CXXC5: variants seen among roughly 807,000 people sequenced by gnomAD.
The protein encoded by CXXC5 is CXXC finger protein 5, also known as CXXC-type zinc finger protein 5.
Under a neutral mutation model 17.6 loss-of-function variants are expected in CXXC5, and 2 were observed. The ratio of observed to expected loss-of-function variants is 0.11; its 90% CI spans 0.05 to 0.36. The LOEUF is 0.36. Ranked by LOEUF, CXXC5 falls within the 10% of genes least tolerant of loss-of-function variation. The pLI, the probability that CXXC5 is intolerant of heterozygous loss-of-function variation, is 1.00. For missense variants in CXXC5, 343 were observed against 458.3 expected, an observed-to-expected ratio of 0.75 and a Z score of 2.30; for synonymous variants, 171 against 193.0, an observed-to-expected ratio of 0.89 and a Z score of 0.94.
Position 139,680,709 on chromosome 5 carries a change from C to A in CXXC5, c.186C>A (p.Ser62Arg). The change falls in exon 2 of 3, where the codon AGC becomes AGA. Residue 62 changes from serine to arginine, a missense_variant. Coordinates refer to ENST00000302517, the MANE Select transcript of CXXC5 (RefSeq NM_016463.9). ...CACCCCCCGAGCGTCGGAACAAGAG[C>A]GGTATCATCAGTGAGCCCCTCAACA... The part of the protein sequence containing the change: ...DTPPPERRNK[S>R]GIISEPLNKS... 2 of 1,613,440 alleles carry A rather than the reference C, an allele frequency of 1.2e-6. No homozygotes were observed. Among genetic ancestry groups the A allele is most frequent in the South Asian group, 2.2e-5 (2 of 91,084 alleles).
Position 139,661,051 on chromosome 5 carries a change from G to A in CXXC5, c.-161+12206G>A, listed in dbSNP as rs1490768725. Among the ~76,000 whole-genome samples the A allele has an allele frequency of 6.6e-6, 1 of 152,264 alleles. No homozygotes were observed. Among genetic ancestry groups the A allele is most frequent in the East Asian group, 1.9e-4 (1 of 5,176 alleles). On this transcript the variant is annotated intron_variant, in intron 1 of 2. Transcript: ENST00000302517. The surrounding 1 kb of genome is among the most constrained non-coding windows in gnomAD (Gnocchi z 4.7). Reference sequence around the variant, plus strand: ...GGGGCCAGGGCAGCCGGAGTCTGGGGGACCAGGACAGCCTCCCCCACCTCC... The same window carrying A: ...GGGGCCAGGGCAGCCGGAGTCTGGGAGACCAGGACAGCCTCCCCCACCTCC...
rs765069168 is a variant in CXXC5, at chr5:139,681,478, C to G, written c.924+31C>G. The G allele has an allele frequency of 3.3e-6, 5 of 1,529,412 alleles. No homozygotes were observed. In the South Asian group the frequency reaches 5.2e-5, roughly 16 times the overall value. 94.7% of individuals were successfully genotyped at this position (1,529,412 alleles called of 1,614,324 possible). The stretch of plus-strand genomic sequence containing the variant: ...GGCGCCTTAGAGGGAGGTGTGTGGG[C>G]TCTTGTGTCTGTCTGGCAGTCCAAA... On this transcript the variant is annotated intron_variant, in intron 2 of 2. Coordinates refer to ENST00000302517, the MANE Select transcript of CXXC5 (RefSeq NM_016463.9).
At chr5:139,653,780 C>CGCCAGCTCAATTAG (rs749922895) in intron 1 of CXXC5, among the ~76,000 whole-genome samples, 104 of 152,254 alleles carry the variant, frequency 6.8e-4, no homozygotes, top group Non-Finnish European at 1.4e-3. Flanking sequence ...CCTAATCCCC[C>CGCCAGCTCAATTAG]GCCAGCTCAA....
intron 1 of CXXC5, among the ~76,000 whole-genome samples, chr5:139,653,068 A>G (rs1335901862): frequency 6.6e-6 from 1 of 152,034 alleles, no homozygotes; most frequent in Non-Finnish European, 1.5e-5. Context: ...TGTGTGTAGC[A>G]TGGAGTGTGT....
rs1374782777 is a variant in CXXC5 at position 139,668,762 on chromosome 5, C to T, written c.-160-11602C>T. ...CGGAGCGGAGAAGGCTGGGGGATGA[C>T]TGATAGGGGGAGTCGGGAGGGGATG... is the stretch of plus-strand genomic sequence containing the variant. On this transcript the variant is annotated intron_variant, in intron 1 of 2. Coordinates refer to ENST00000302517, the MANE Select transcript of CXXC5 (RefSeq NM_016463.9). This position sits in a 1 kb window ranked among gnomAD's most constrained non-coding sequence, Gnocchi z 4.1. Among the ~76,000 whole-genome samples, 4 of 152,162 alleles carry T rather than the reference C, an allele frequency of 2.6e-5. No individual in the cohort carries two copies. Among genetic ancestry groups the T allele is most frequent in the Non-Finnish European group, 5.9e-5 (4 of 68,024 alleles).
intron 1 of CXXC5, among the ~76,000 whole-genome samples, chr5:139,674,658 T>C (rs1295259057): frequency 6.6e-6 from 1 of 152,218 alleles, no homozygotes; most frequent in Non-Finnish European, 1.5e-5. Context: ...TTAAATTATA[T>C]GTATACTTTA....
chr5:139,648,192 C>T (rs1327738426), upstream of CXXC5: 1 of 144,500 alleles, frequency 6.9e-6, no homozygotes, highest in Admixed American at 7.2e-5. Context: ...CCGCGGCGTC[C>T]AAGTGGCCCG....
At position 139,683,028 on chromosome 5, in the gene CXXC5, C is replaced by A; in HGVS notation, c.*121C>A. ...CTTTAGAACCAAAAATATTCTCTCACAGATTTCATTCCTGTTTTTATATAT... is the reference window on the plus strand; with the variant it reads ...CTTTAGAACCAAAAATATTCTCTCAAAGATTTCATTCCTGTTTTTATATAT... On this transcript the variant is annotated 3_prime_UTR_variant, in exon 3 of 3. Transcript: ENST00000302517. The A allele has an allele frequency of 1.4e-6, 1 of 731,764 alleles. No homozygotes were observed. The highest frequency in any genetic ancestry group is 2.0e-6 in the Non-Finnish European group (1 of 501,280). The allele number at this position is 731,764 out of a possible 1,614,324, so 45.3% of individuals were successfully genotyped here.
chr5:139,676,002 C>T (rs1756761994), intron 1 of CXXC5, among the ~76,000 whole-genome samples: 1 of 135,206 alleles, frequency 7.4e-6, no homozygotes, highest in South Asian at 2.3e-4. Flanking sequence ...AAGGTGGCCC[C>T]AGGTATGAGT....
At position 139,680,562 on chromosome 5, in the gene CXXC5, C is replaced by CAGT; in HGVS notation, c.42_44dup (p.Ser18dup). The CAGT allele has an allele frequency of 6.3e-7, 1 of 1,584,868 alleles. No individual in the cohort carries two copies. Among genetic ancestry groups the CAGT allele is most frequent in the African/African-American group, 1.3e-5 (1 of 74,088 alleles). On this transcript the variant is annotated inframe_insertion, in exon 2 of 3. Transcript: ENST00000302517. Reference sequence around the variant, plus strand: ...GCGGTGGCTCCCAGGATGCCGGCGGCAGTAGCAGCAGCAGCACCAATGGCA... The same window carrying CAGT: ...GCGGTGGCTCCCAGGATGCCGGCGGCAGTAGTAGCAGCAGCAGCACCAATGGCA...
Position 139,652,159 on chromosome 5 carries a change from C to T in CXXC5, c.-161+3314C>T, listed in dbSNP as rs879803977. Among the ~76,000 whole-genome samples the T allele has an allele frequency of 2.6e-3, 332 of 126,694 alleles. 3 individuals carry two copies. The highest frequency in any genetic ancestry group is 7.5e-3 in the African/African-American group (236 of 31,430). 83.1% of individuals were successfully genotyped at this position (126,694 alleles called of 152,430 possible). A position where few individuals can be genotyped will look rare whatever the true frequency, so the allele number is the denominator to read the frequency against. ...CATCCTAGCCGCCGGCGCGCGCGCG[C>T]GCGCGCGCGCGCGTGTGTGTGTGTG... On this transcript the variant is annotated intron_variant, in intron 1 of 2. Coordinates refer to ENST00000302517, the MANE Select transcript of CXXC5 (RefSeq NM_016463.9).
chr5:139,653,576 AT>A (rs1395121833), intron 1 of CXXC5, among the ~76,000 whole-genome samples: 1 of 152,084 alleles, frequency 6.6e-6, no homozygotes, highest in African/African-American at 2.4e-5. Context: ...TGGGTATTAC[AT>A]GGAGCTGGAA....
chr5:139,665,314 G>A (rs1756046261), intron 1 of CXXC5, among the ~76,000 whole-genome samples: 1 of 152,248 alleles, frequency 6.6e-6, no homozygotes, highest in African/African-American at 2.4e-5. Flanking sequence ...CTGCTACTGG[G>A]CCATGCCAAG....
rs2126784118 is a variant in CXXC5, at chr5:139,668,005, T to G, written c.-160-12359T>G. ...AGCGCTCCAAGGAGAGGGCCTGGGTTTTAATTTTTGCTGCAGGGTCCCACC... is the reference window on the plus strand; with the variant it reads ...AGCGCTCCAAGGAGAGGGCCTGGGTGTTAATTTTTGCTGCAGGGTCCCACC... On this transcript the variant is annotated intron_variant, in intron 1 of 2. Coordinates refer to ENST00000302517, the MANE Select transcript of CXXC5 (RefSeq NM_016463.9). This position sits in a 1 kb window ranked among gnomAD's most constrained non-coding sequence, Gnocchi z 4.1. 6.6e-6 allele frequency among the ~76,000 whole-genome samples: 1 copy of G among 152,128 alleles called. No homozygotes were observed. Among genetic ancestry groups the G allele is most frequent in the South Asian group, 2.1e-4 (1 of 4,818 alleles).
chr5:139,671,672 C>T (rs189182690), intron 1 of CXXC5, among the ~76,000 whole-genome samples: 43 of 152,364 alleles, frequency 2.8e-4, no homozygotes, highest in East Asian at 1.2e-3. Flanking sequence ...CTGGCCCACC[C>T]GCAGCCCCTT....
chr5:139,666,312 C>T (rs1259246802), intron 1 of CXXC5, among the ~76,000 whole-genome samples: 1 of 152,164 alleles, frequency 6.6e-6, no homozygotes, highest in Admixed American at 6.5e-5. Flanking sequence ...GCCCCTTCAC[C>T]CCCTTCACCC....
At position 139,648,656 on chromosome 5, in the gene CXXC5, T is replaced by TCC. The variant is rs1259738063; in HGVS notation, c.-343_-342dup. On this transcript the variant is annotated 5_prime_UTR_variant, in exon 1 of 3. Coordinates refer to ENST00000302517, the MANE Select transcript of CXXC5 (RefSeq NM_016463.9). Reference sequence around the variant, plus strand: ...GGGAGGAGGGGCAGGTGCTGCAGGCTCCCCCCCCTCCCCGCCTCGGGCCAG... The same window carrying TCC: ...GGGAGGAGGGGCAGGTGCTGCAGGCTCCCCCCCCCCTCCCCGCCTCGGGCCAG... 2.1e-5 allele frequency: 3 copies of TCC among 145,768 alleles called. No individual in the cohort carries two copies. The highest frequency in any genetic ancestry group is 4.5e-5 in the Non-Finnish European group (3 of 66,010). 9.0% of individuals were successfully genotyped at this position (145,768 alleles called of 1,614,324 possible). A position where few individuals can be genotyped will look rare whatever the true frequency, so the allele number is the denominator to read the frequency against.
intron 1 of CXXC5, among the ~76,000 whole-genome samples, chr5:139,673,696 G>T (rs1208693119): frequency 6.6e-6 from 1 of 152,136 alleles, no homozygotes; most frequent in Non-Finnish European, 1.5e-5. Context: ...ACAAAAATTA[G>T]CCAGGTGTGG....
chr5:139,675,039 T>C (rs1026414451), intron 1 of CXXC5, among the ~76,000 whole-genome samples: 1 of 152,126 alleles, frequency 6.6e-6, no homozygotes, highest in Non-Finnish European at 1.5e-5. Flanking sequence ...AGATAGCTCA[T>C]TGTGTCCCCT....
Sources: allele counts gnomAD v4.1 joint callset (sites outside exome capture counted in the v4.1 genomes callset), GRCh38; gene constraint gnomAD v4.1.1; non-coding constraint Gnocchi (gnomAD v3.1); transcripts MANE v1.5; gene names NCBI Gene and HGNC (gene_info 2026-07-23, HGNC 2026-07-21).